Variants in KIF1B observed in about 807,000 individuals in gnomAD.
The protein encoded by KIF1B is kinesin-like protein KIF1B.
A neutral mutation model predicts 241.9 loss-of-function variants in KIF1B; 76 were observed. The observed-to-expected ratio is 0.31, with a 90% CI of 0.26 to 0.38. The LOEUF (loss-of-function observed/expected upper bound fraction) is 0.38, where lower values mean the gene tolerates loss of function less well. Among genes scored for constraint, KIF1B ranks in the 10% least tolerant of loss-of-function variants. The pLI is 1.00. For synonymous variants in KIF1B, 750 were observed against 796.7 expected (o/e 0.94, Z 0.99); for missense variants, 1,622 against 2,271.4 (o/e 0.71, Z 5.81).
At chr1:10,367,082 G>T (rs944326661) in intron 43 of KIF1B, among the ~76,000 whole-genome samples, 1 of 151,938 alleles carries the variant, frequency 6.6e-6, no homozygotes, top group Non-Finnish European at 1.5e-5. Context: ...GATGAGAAAT[G>T]ATAAAAGCTT....
At chr1:10,267,648 C>G in intron 6 of KIF1B, 90 bp downstream of exon 6, 2 of 1,249,570 alleles carry the variant, frequency 1.6e-6, no homozygotes, top group Non-Finnish European at 1.2e-6. Context: ...ACATTTATAG[C>G]TATGAAAGTT....
chr1:10,244,833 CAAT>C (rs1647186596), intron 2 of KIF1B, among the ~76,000 whole-genome samples: 2 of 141,440 alleles, frequency 1.4e-5, no homozygotes, highest in Admixed American at 7.2e-5. Context: ...AGGATGGTCT[CAAT>C]CTCCTGACTT....
Position 10,276,344 on chromosome 1 carries a change from G to T in KIF1B, c.982G>T (p.Val328Phe), listed in dbSNP as rs1480952079. ...NLGGNSRTAM[V>F]AALSPADINY... is the part of the protein sequence containing the mutation. ...AGGTGGCAATTCTCGGACTGCAATG[G>T]TTGCTGCTCTGAGCCCCGCGGATAT... The change falls in exon 12 of 49, where the codon GTT becomes TTT. Residue 328 changes from valine (V) to phenylalanine (F), a missense_variant. By Grantham distance (50) the Val-to-Phe change is conservative. Transcript: ENST00000676179. The T allele has an allele frequency of 6.2e-7, 1 of 1,613,876 alleles. No homozygotes were observed. The highest frequency in any genetic ancestry group is 8.5e-7 in the Non-Finnish European group (1 of 1,179,884).
intron 22 of KIF1B, among the ~76,000 whole-genome samples, chr1:10,302,808 C>T (rs1283919801): frequency 2.0e-5 from 3 of 152,158 alleles, no homozygotes; most frequent in African/African-American, 4.8e-5. Context: ...CGTTAAGTCA[C>T]GCCATTTGAA....
rs759204322 is a variant in KIF1B, at chr1:10,343,241, G to A, written c.3642G>A (p.Gln1214=). 1 of 1,614,198 alleles carries A rather than the reference G, an allele frequency of 6.2e-7. No homozygotes were observed. Among genetic ancestry groups the A allele is most frequent in the Non-Finnish European group, 8.5e-7 (1 of 1,180,030 alleles). Residue 1214 remains glutamine (Q), a synonymous_variant, in exon 34 of 49, where the codon CAG becomes CAA. Transcript: ENST00000676179. ...CTTCCTTTCTTTGCAGTCCGCCTCA[G>A]CCGTGCCGCCGATTCTTCCCTCCAC... ...LQGQELNSPP[Q]PCRRFFPPPM...
chr1:10,331,689 A>G (rs1029920179), intron 27 of KIF1B, among the ~76,000 whole-genome samples: 2 of 152,202 alleles, frequency 1.3e-5, no homozygotes, highest in Non-Finnish European at 2.9e-5. Context: ...ATAAACATGT[A>G]TGTCACTTGG....
intron 22 of KIF1B, chr1:10,306,800 A>G: frequency 4.3e-6 from 3 of 697,022 alleles, no homozygotes; most frequent in Non-Finnish European, 5.4e-6. Context: ...TATTTATTAT[A>G]TTATTCAGGT....
At position 10,288,160 on chromosome 1, in the gene KIF1B, A is replaced by T. The variant is rs189118125; in HGVS notation, c.1435-2922A>T. Among the ~76,000 whole-genome samples the T allele has an allele frequency of 5.8e-4, 89 of 152,334 alleles. No individual in the cohort carries two copies. In the Middle Eastern group the frequency reaches 0.014, roughly 23 times the overall value. On this transcript the variant is annotated intron_variant, in intron 15 of 48. Coordinates refer to ENST00000676179, the MANE Select transcript of KIF1B (RefSeq NM_001365951.3). ...AAAGGAAAAAAGCAGTCATATGCAA[A>T]AGCATTTTCTTTTTTTAAAGAGGGG...
intron 47 of KIF1B, 58 bp from the exon 48 acceptor site, chr1:10,375,197 G>A: frequency 1.3e-6 from 2 of 1,505,806 alleles, no homozygotes; most frequent in Admixed American, 3.3e-5. Context: ...ATATGGCAAG[G>A]CAGTCCCCAT....
chr1:10,264,669 C>CT (rs1257209039), intron 5 of KIF1B, among the ~76,000 whole-genome samples: 4 of 150,798 alleles, frequency 2.7e-5, no homozygotes, highest in Non-Finnish European at 5.9e-5. Context: ...TCAGAGTTGT[C>CT]TTTTTTTTTG....
chr1:10,237,264 T>C (rs1647069347), intron 2 of KIF1B, among the ~76,000 whole-genome samples: 1 of 152,216 alleles, frequency 6.6e-6, no homozygotes, highest in African/African-American at 2.4e-5. Flanking sequence ...GAAGCATTTC[T>C]TATTGTCTAA....
rs757288188 is a variant in KIF1B at position 10,365,260 on chromosome 1, G to GT, written c.4512+15_4512+16insT. The GT allele has an allele frequency of 5.8e-5, 94 of 1,613,704 alleles. No homozygotes were observed. Among genetic ancestry groups the GT allele is most frequent in the Non-Finnish European group, 7.5e-5 (89 of 1,179,896 alleles). ...TCCTACATGAGGTATCCAGGGGCAG[G>GT]GTTGTTCAGATGCAAGAACTCTCGG... On this transcript the variant is annotated intron_variant, in intron 42 of 48. Coordinates refer to ENST00000676179, the MANE Select transcript of KIF1B (RefSeq NM_001365951.3). This position sits in a 1 kb window ranked among gnomAD's most constrained non-coding sequence, Gnocchi z 4.0.
At chr1:10,306,717 A>G (rs998495045) in intron 22 of KIF1B, 1 of 873,522 alleles carries the variant, frequency 1.1e-6, no homozygotes, top group Middle Eastern at 5.4e-4. Flanking sequence ...ATGAATAGCC[A>G]GTGCACTGCA....
chr1:10,267,659 G>A lies in KIF1B; in HGVS notation c.608+101G>A, dbSNP rs1014002918. 5.2e-6 allele frequency: 6 copies of A among 1,155,936 alleles called. No individual in the cohort carries two copies. In the East Asian group the frequency reaches 7.3e-5, roughly 14 times the overall value. 71.6% of individuals were successfully genotyped at this position (1,155,936 alleles called of 1,614,324 possible). ...GGCCACATTTATAGCTATGAAAGTT[G>A]CTTTAATTGTGGAGTCCTCTGATCC... On this transcript the variant is annotated intron_variant, in intron 6 of 48. Coordinates refer to ENST00000676179, the MANE Select transcript of KIF1B (RefSeq NM_001365951.3).
In KIF1B at chr1:10,303,036, T is replaced by G. The variant is rs1650619980; in HGVS notation, c.2115+5790T>G. 1 of 1,165,774 alleles carries G rather than the reference T, an allele frequency of 8.6e-7. No individual in the cohort carries two copies. 72.2% of individuals were successfully genotyped at this position (1,165,774 alleles called of 1,614,324 possible). A position where few individuals can be genotyped will look rare whatever the true frequency, so the allele number is the denominator to read the frequency against. On this transcript the variant is annotated intron_variant, in intron 22 of 48. Coordinates refer to ENST00000676179, the MANE Select transcript of KIF1B (RefSeq NM_001365951.3). This position sits in a 1 kb window ranked among gnomAD's most constrained non-coding sequence, Gnocchi z 5.2. ...TTTTTGGTTTTGTTTTGTTTTTTAG[T>G]TTTTTTGGTCTTATTTTTAAATTTG...
At chr1:10,224,217 A>C (rs1646882070) in intron 1 of KIF1B, among the ~76,000 whole-genome samples, 1 of 152,036 alleles carries the variant, frequency 6.6e-6, no homozygotes, top group South Asian at 2.1e-4. Flanking sequence ...CCCGGGTTTA[A>C]GCGGTTCTCC....
At chr1:10,311,430 C>G (rs1386946375) in intron 22 of KIF1B, among the ~76,000 whole-genome samples, 1 of 150,904 alleles carries the variant, frequency 6.6e-6, no homozygotes, top group Non-Finnish European at 1.5e-5. Context: ...CTAGGCTGGT[C>G]TTGAACTCCT....
intron 15 of KIF1B, among the ~76,000 whole-genome samples, chr1:10,287,004 T>C (rs1213109137): frequency 5.3e-5 from 8 of 152,122 alleles, no homozygotes; most frequent in Non-Finnish European, 4.4e-5. Context: ...GCAGAATGAG[T>C]TGATGCTCCT....
intron 31 of KIF1B, among the ~76,000 whole-genome samples, chr1:10,338,477 CA>C (rs1652265657): frequency 6.6e-6 from 1 of 152,224 alleles, no homozygotes; most frequent in African/African-American, 2.4e-5. Context: ...TGTTTTCACT[CA>C]TACCCTCAAA....
Sources: allele counts gnomAD v4.1 joint callset (sites outside exome capture counted in the v4.1 genomes callset), GRCh38; gene constraint gnomAD v4.1.1; non-coding constraint Gnocchi (gnomAD v3.1); transcripts MANE v1.5; gene names NCBI Gene and HGNC (gene_info 2026-07-23, HGNC 2026-07-21).